RFX8: variants seen among roughly 807,000 people sequenced by gnomAD.
RFX8 encodes the protein DNA-binding protein RFX8.
A neutral mutation model predicts 54.6 loss-of-function variants in RFX8; 46 were observed. The ratio of observed to expected loss-of-function variants is 0.84; its 90% CI spans 0.67 to 1.08. The LOEUF (loss-of-function observed/expected upper bound fraction) is 1.08, where lower values mean the gene tolerates loss of function less well. Ranked by LOEUF, RFX8 falls within the 50% of genes least tolerant of loss-of-function variation. The probability of loss-of-function intolerance (pLI) is 0.00; values close to 1 mark genes in which losing one functional copy is unlikely to be tolerated. For missense variants in RFX8, 536 were observed against 562.3 expected, an observed-to-expected ratio of 0.95 and a Z score of 0.47; for synonymous variants, 192 against 209.5, an observed-to-expected ratio of 0.92 and a Z score of 0.72.
chr2:101,418,573 T>C (rs1423714236), intron 5 of RFX8, among the ~76,000 whole-genome samples: 1 of 152,244 alleles, frequency 6.6e-6, no homozygotes, highest in African/African-American at 2.4e-5. Context: ...TGTCTTCTTT[T>C]ACAGAAATTC....
intron 11 of RFX8, among the ~76,000 whole-genome samples, chr2:101,401,180 C>T (rs1685422651): frequency 6.6e-6 from 1 of 152,182 alleles, no homozygotes; most frequent in South Asian, 2.1e-4. Flanking sequence ...GGATACGTGA[C>T]TTACTATCTC....
At chr2:101,412,024 G>A (rs1686162801) in intron 8 of RFX8, among the ~76,000 whole-genome samples, 1 of 152,128 alleles carries the variant, frequency 6.6e-6, no homozygotes, top group South Asian at 2.1e-4. Flanking sequence ...TAGCCTGAAG[G>A]GGTTCATAGG....
At chr2:101,410,370 C>G (rs1686045359) in intron 9 of RFX8, among the ~76,000 whole-genome samples, 2 of 142,084 alleles carry the variant, frequency 1.4e-5, no homozygotes, top group South Asian at 4.7e-4. Context: ...CACTCCCACA[C>G]ACCCAAACAT....
chr2:101,439,866 G>T (rs928012065), intron 2 of RFX8, among the ~76,000 whole-genome samples: 1 of 151,970 alleles, frequency 6.6e-6, no homozygotes. Context: ...GTGAGCCACC[G>T]CGCATAGCCG....
chr2:101,448,982 T>A (rs1688540522), intron 2 of RFX8, among the ~76,000 whole-genome samples: 1 of 152,166 alleles, frequency 6.6e-6, no homozygotes, highest in Admixed American at 6.5e-5. Flanking sequence ...CTGGCATTGT[T>A]GGGGATGGTC....
At chr2:101,440,898 T>A (rs1573437661) in intron 2 of RFX8, among the ~76,000 whole-genome samples, 1 of 152,266 alleles carries the variant, frequency 6.6e-6, no homozygotes, top group South Asian at 2.1e-4. Context: ...GGGGGATTGA[T>A]CCTTTTATCC....
intron 2 of RFX8, among the ~76,000 whole-genome samples, chr2:101,451,871 A>C (rs1347502580): frequency 6.6e-6 from 1 of 152,046 alleles, no homozygotes; most frequent in African/African-American, 2.4e-5. Flanking sequence ...AAGTGGGAGG[A>C]TCATTTGAGC....
chr2:101,446,143 T>A (rs2148965145), intron 2 of RFX8, among the ~76,000 whole-genome samples: 1 of 152,298 alleles, frequency 6.6e-6, no homozygotes. Flanking sequence ...GGCCAAGACT[T>A]TAAAGTTGAT....
chr2:101,404,612 T>A (rs1281421703), intron 10 of RFX8, among the ~76,000 whole-genome samples: 1 of 151,244 alleles, frequency 6.6e-6, no homozygotes, highest in Non-Finnish European at 1.5e-5. Context: ...TTTTTCGTAG[T>A]GACAGGGTTT....
At chr2:101,469,034 AT>A (rs1689760290) in intron 1 of RFX8, among the ~76,000 whole-genome samples, 1 of 56,378 alleles carries the variant, frequency 1.8e-5, no homozygotes, top group Non-Finnish European at 3.6e-5. Flanking sequence ...ATATATACGT[AT>A]ATATATGTAT....
At chr2:101,453,350 G>A (rs954199609) in intron 2 of RFX8, among the ~76,000 whole-genome samples, 1 of 150,818 alleles carries the variant, frequency 6.6e-6, no homozygotes, top group Non-Finnish European at 1.5e-5. Flanking sequence ...TTTAAATCTC[G>A]ATGTTGGCCA....
intron 2 of RFX8, among the ~76,000 whole-genome samples, chr2:101,431,459 G>A (rs1687484621): frequency 3.0e-5 from 2 of 65,746 alleles, no homozygotes; most frequent in South Asian, 1.1e-3. Flanking sequence ...CTGCATTGGT[G>A]ATCAGTTTAC....
chr2:101,402,365 G>A, intron 11 of RFX8, 71 bp downstream of exon 11: 2 of 1,231,978 alleles, frequency 1.6e-6, no homozygotes, highest in South Asian at 1.5e-5. Context: ...GATCTTGAGG[G>A]TTTTACTAAT....
intron 2 of RFX8, among the ~76,000 whole-genome samples, chr2:101,434,396 T>C (rs1210764637): frequency 6.6e-6 from 1 of 152,210 alleles, no homozygotes; most frequent in African/African-American, 2.4e-5. Flanking sequence ...TCCTGACCCA[T>C]TCGATTTTAT....
intron 4 of RFX8, among the ~76,000 whole-genome samples, chr2:101,419,440 T>A (rs538824749): frequency 2.0e-5 from 3 of 152,258 alleles, no homozygotes; most frequent in African/African-American, 7.2e-5. Flanking sequence ...AAAAGGAGAC[T>A]GGCGTGGTTC....
chr2:101,431,415 T>G (rs1395802766), intron 2 of RFX8, among the ~76,000 whole-genome samples: 1 of 152,204 alleles, frequency 6.6e-6, no homozygotes. Context: ...AGTGCACATC[T>G]CTGTCAATTG....
chr2:101,406,105 A>G (rs1350756624), intron 9 of RFX8, 48 bp from the exon 10 acceptor site: 2 of 1,097,230 alleles, frequency 1.8e-6, no homozygotes, highest in Non-Finnish European at 2.7e-6. Context: ...AATAAAATCA[A>G]GAAGCATAGT....
chr2:101,448,090 G>A (rs777774861), intron 2 of RFX8, among the ~76,000 whole-genome samples: 8 of 152,138 alleles, frequency 5.3e-5, no homozygotes, highest in Admixed American at 1.3e-4. Context: ...GAGGCTTCAT[G>A]GCCTAATCAT....
intron 1 of RFX8, among the ~76,000 whole-genome samples, chr2:101,469,820 TAATAAG>T (rs1022228350): frequency 2.0e-5 from 3 of 152,028 alleles, no homozygotes; most frequent in Non-Finnish European, 4.4e-5. Context: ...ATAATACTCT[TAATAAG>T]AATAATAGTA....
Sources: allele counts gnomAD v4.1 joint callset (sites outside exome capture counted in the v4.1 genomes callset), GRCh38; gene constraint gnomAD v4.1.1; transcripts MANE v1.5; gene names NCBI Gene and HGNC (gene_info 2026-07-23, HGNC 2026-07-21).